The following ARIH2 variants were observed in gnomAD, a reference collection of about 807,000 sequenced individuals.
ARIH2 encodes E3 ubiquitin-protein ligase ARIH2.
Under a neutral mutation model 79.8 loss-of-function variants are expected in ARIH2, and 12 were observed. The observed-to-expected ratio is 0.15, with a 90% CI of 0.10 to 0.24. The LOEUF is 0.24. ARIH2 is among the 10% of genes least tolerant of loss of function. The pLI is 1.00. For missense variants in ARIH2, 301 were observed against 618.3 expected (o/e 0.49, Z 5.44); for synonymous variants, 224 against 213.9 (o/e 1.05, Z -0.41).
intron 2 of ARIH2, chr3:48,924,756 GTGCAATCTC>G (rs1260634198): frequency 6.6e-6 from 1 of 152,156 alleles, no homozygotes; most frequent in Non-Finnish European, 1.5e-5. Flanking sequence ...GAGTGCAGTG[GTGCAATCTC>G]TGCTCACTGC....
rs184789899 is a variant in ARIH2, at chr3:48,937,874, C to T, written c.255+10061C>T. Among the ~76,000 whole-genome samples the T allele has an allele frequency of 3.1e-4, 47 of 152,026 alleles. No homozygotes were observed. In the East Asian group the frequency reaches 8.7e-3, roughly 28 times the overall value. The stretch of plus-strand genomic sequence containing the variant: ...CATCCTGGCCAACACAATGAAACGC[C>T]GTCTCTACTAAAAATACAAAAAATT... On this transcript the variant is annotated intron_variant, in intron 3 of 15. Coordinates refer to ENST00000356401, the MANE Select transcript of ARIH2 (RefSeq NM_006321.4).
intron 13 of ARIH2, among the ~76,000 whole-genome samples, chr3:48,981,233 G>A (rs527307069): frequency 6.6e-6 from 1 of 151,832 alleles, no homozygotes; most frequent in Non-Finnish European, 1.5e-5. Context: ...TTGGAAGGCT[G>A]AGGTGGGAGG....
chr3:48,975,064 A>G (rs1350451085), intron 11 of ARIH2, 85 bp downstream of exon 11: 10 of 1,608,562 alleles, frequency 6.2e-6, no homozygotes, highest in Non-Finnish European at 8.5e-6. Flanking sequence ...TACTTCTGCC[A>G]TGAAATGACA....
At chr3:48,936,982 G>A (rs1260471114) in intron 3 of ARIH2, among the ~76,000 whole-genome samples, 1 of 148,850 alleles carries the variant, frequency 6.7e-6, no homozygotes, top group African/African-American at 2.5e-5. Flanking sequence ...GAGCCAAGAT[G>A]GCACCACTGC....
chr3:48,933,841 G>A (rs539196919), intron 3 of ARIH2, among the ~76,000 whole-genome samples: 72 of 152,158 alleles, frequency 4.7e-4, no homozygotes, highest in African/African-American at 1.7e-3. Context: ...GTGAGCCACC[G>A]CGCCTGTCCC....
In ARIH2 at chr3:48,983,279, GT is replaced by G. The variant is rs779106412; in HGVS notation, c.*10del. On this transcript the variant is annotated 3_prime_UTR_variant, in exon 16 of 16. Transcript: ENST00000356401. ...ATTTCCATGACACCTAAGTTGGGAT[GT>G]GGATGTGCCGGGGTGAGGAAGATGT... The G allele has an allele frequency of 6.2e-7, 1 of 1,614,082 alleles. No homozygotes were observed. The highest frequency in any genetic ancestry group is 1.1e-5 in the South Asian group (1 of 91,090).
At chr3:48,928,181 C>T (rs1576132896) in intron 3 of ARIH2, among the ~76,000 whole-genome samples, 3 of 152,340 alleles carry the variant, frequency 2.0e-5, no homozygotes, top group Admixed American at 2.0e-4. Context: ...TTCTGTACGA[C>T]TGTGAGTGAC....
chr3:48,945,171 C>T, intron 3 of ARIH2: 3 of 1,289,816 alleles, frequency 2.3e-6, no homozygotes, highest in Non-Finnish European at 3.0e-6. Flanking sequence ...TGCATCCTCC[C>T]TATGGCACTG....
intron 11 of ARIH2, 60 bp downstream of exon 11, chr3:48,975,039 T>C: frequency 1.9e-6 from 3 of 1,614,038 alleles, no homozygotes; most frequent in Admixed American, 3.3e-5. Flanking sequence ...GGGTCTCCGT[T>C]ACTATTTAAG....
intron 2 of ARIH2, among the ~76,000 whole-genome samples, chr3:48,923,610 C>T (rs146666309): frequency 1.3e-5 from 2 of 151,484 alleles, no homozygotes; most frequent in Non-Finnish European, 2.9e-5. Flanking sequence ...CAGTCTTTGC[C>T]TCCGGGGTTC....
intron 2 of ARIH2, among the ~76,000 whole-genome samples, chr3:48,923,837 A>G (rs991979836): frequency 1.3e-5 from 2 of 152,152 alleles, no homozygotes; most frequent in East Asian, 3.8e-4. Context: ...TTTATTATAT[A>G]AAAATGTGAC....
In ARIH2 at chr3:48,984,525, G is replaced by C. The variant is rs2092852568; in HGVS notation, c.*1255G>C. On this transcript the variant is annotated 3_prime_UTR_variant, in exon 16 of 16. Coordinates refer to ENST00000356401, the MANE Select transcript of ARIH2 (RefSeq NM_006321.4). ...AGGGTCTGGCCAGAGGAACAGACCA[G>C]CTTTTGCACAATGAAGCGCAAGGGA... The C allele has an allele frequency of 6.6e-6, 1 of 152,378 alleles. No individual in the cohort carries two copies. The highest frequency in any genetic ancestry group is 1.5e-5 in the Non-Finnish European group (1 of 68,062). The allele number at this position is 152,378 out of a possible 1,614,324, so 9.4% of individuals were successfully genotyped here.
rs1157798363 is a variant in ARIH2, at chr3:48,953,463, G to A, written c.256-8149G>A. Among the ~76,000 whole-genome samples, 6 of 151,984 alleles carry A rather than the reference G, an allele frequency of 3.9e-5. 1 individual carries two copies. Among genetic ancestry groups the A allele is most frequent in the African/African-American group, 1.5e-4 (6 of 41,366 alleles). On this transcript the variant is annotated intron_variant, in intron 3 of 15. Transcript: ENST00000356401. Reference sequence around the variant, plus strand: ...CTGTCTCCCAGGCTGGAGGGCAGTGGTGCGACCTCGGCTCACTGCAAGCTC... The same window carrying A: ...CTGTCTCCCAGGCTGGAGGGCAGTGATGCGACCTCGGCTCACTGCAAGCTC...
At position 48,957,708 on chromosome 3, in the gene ARIH2, T is replaced by G. The variant is rs1426475200; in HGVS notation, c.256-3904T>G. On this transcript the variant is annotated intron_variant, in intron 3 of 15. Coordinates refer to ENST00000356401, the MANE Select transcript of ARIH2 (RefSeq NM_006321.4). ...ACAGTATCACTTCATTGTTTTTGTT[T>G]GTTTGTTTGTTTGTTTGTTTTTGAG... is the stretch of plus-strand genomic sequence containing the variant. Among the ~76,000 whole-genome samples, 3 of 152,096 alleles carry G rather than the reference T, an allele frequency of 2.0e-5. No individual in the cohort carries two copies. The East Asian group carries it at 5.9e-4, about 30-fold the overall frequency.
At chr3:48,946,790 T>TGC (rs554580868) in intron 3 of ARIH2, among the ~76,000 whole-genome samples, 19 of 152,126 alleles carry the variant, frequency 1.2e-4, no homozygotes, top group African/African-American at 4.1e-4. Context: ...GAGCATGGGC[T>TGC]GCGCTTGGTC....
chr3:48,961,555 A>G (rs916983666), intron 3 of ARIH2, 57 bp from the exon 4 acceptor site: 8 of 1,148,856 alleles, frequency 7.0e-6, no homozygotes, highest in Non-Finnish European at 1.0e-5. Context: ...TCAAAATGCG[A>G]AACACTTTAA....
At chr3:48,926,213 G>A (rs1689302890) in intron 2 of ARIH2, among the ~76,000 whole-genome samples, 1 of 151,852 alleles carries the variant, frequency 6.6e-6, no homozygotes, top group Non-Finnish European at 1.5e-5. Flanking sequence ...CTGTTTGCGG[G>A]CTTTTCTTTT....
At chr3:48,962,745 A>G (rs1034819038) in intron 4 of ARIH2, among the ~76,000 whole-genome samples, 2 of 152,210 alleles carry the variant, frequency 1.3e-5, no homozygotes, top group East Asian at 1.9e-4. Context: ...TTGGCAATCA[A>G]AATGTCTCCA....
Position 48,934,273 on chromosome 3 carries a change from A to G in ARIH2, c.255+6460A>G, listed in dbSNP as rs1046930494. ...TATTTTAGCCATTTTCTTAATTGGT[A>G]CTAAATACTTATATAATGCCAAGTT... On this transcript the variant is annotated intron_variant, in intron 3 of 15. Coordinates refer to ENST00000356401, the MANE Select transcript of ARIH2 (RefSeq NM_006321.4). The G allele has an allele frequency of 1.0e-5, 6 of 602,818 alleles. No homozygotes were observed. The South Asian group carries it at 3.7e-4, about 37-fold the overall frequency. 37.3% of individuals were successfully genotyped at this position (602,818 alleles called of 1,614,324 possible).
Sources: allele counts gnomAD v4.1 joint callset (sites outside exome capture counted in the v4.1 genomes callset), GRCh38; gene constraint gnomAD v4.1.1; transcripts MANE v1.5; gene names NCBI Gene and HGNC (gene_info 2026-07-23, HGNC 2026-07-21).